The following SGK1 variants were observed in gnomAD, a reference collection of about 807,000 sequenced individuals.
SGK1 encodes the protein serine/threonine-protein kinase Sgk1.
A neutral mutation model predicts 64.2 loss-of-function variants in SGK1; 26 were observed. The ratio of observed to expected loss-of-function variants is 0.40; its 90% CI spans 0.30 to 0.56. The LOEUF (loss-of-function observed/expected upper bound fraction) is 0.56, where lower values mean the gene tolerates loss of function less well. Ranked by LOEUF, SGK1 falls within the 20% of genes least tolerant of loss-of-function variation. The probability of loss-of-function intolerance (pLI) is 0.38; values close to 1 mark genes in which losing one functional copy is unlikely to be tolerated. For synonymous variants in SGK1, 265 were observed against 239.7 expected, an observed-to-expected ratio of 1.11 and a Z score of -0.98; for missense variants, 519 against 645.6, an observed-to-expected ratio of 0.80 and a Z score of 2.12.
chr6:134,270,863 A>G (rs935348441), intron 1 of SGK1, among the ~76,000 whole-genome samples: 1 of 148,010 alleles, frequency 6.8e-6, no homozygotes, highest in Admixed American at 6.9e-5. Flanking sequence ...CTCAGTAAGT[A>G]TAAAGTCTCC....
At chr6:134,205,017 G>C (rs1223054244) in intron 3 of SGK1, among the ~76,000 whole-genome samples, 5 of 140,428 alleles carry the variant, frequency 3.6e-5, no homozygotes, top group Non-Finnish European at 7.6e-5. Flanking sequence ...CTCTCTTTCA[G>C]TGAAAGCAAG....
At chr6:134,208,896 G>GTGTATATA (rs140253811) in intron 2 of SGK1, among the ~76,000 whole-genome samples, 18 of 147,368 alleles carry the variant, frequency 1.2e-4, no homozygotes, top group East Asian at 4.0e-4. Flanking sequence ...GTATGTGTGT[G>GTGTATATA]TATATATATA....
intron 3 of SGK1, chr6:134,174,883 G>A (rs1017012332): frequency 6.3e-6 from 10 of 1,595,788 alleles, no homozygotes; most frequent in Non-Finnish European, 8.5e-6. Flanking sequence ...CCGCGCGCTC[G>A]GCCTTATAAA....
intron 1 of SGK1, 67 bp from the exon 2 acceptor site, chr6:134,262,215 G>T: frequency 8.2e-7 from 1 of 1,224,774 alleles, no homozygotes; most frequent in Non-Finnish European, 1.1e-6. Context: ...TTGGGGATTT[G>T]GTGGGAAATC....
chr6:134,229,863 A>G, intron 2 of SGK1, among the ~76,000 whole-genome samples: 1 of 151,766 alleles, frequency 6.6e-6, no homozygotes, highest in Non-Finnish European at 1.5e-5. Context: ...AAAAGAAAAC[A>G]TCTTTTTTTT....
chr6:134,228,646 A>G (rs1341185095), intron 2 of SGK1, among the ~76,000 whole-genome samples: 1 of 152,216 alleles, frequency 6.6e-6, no homozygotes, highest in East Asian at 1.9e-4. Flanking sequence ...TTGTTGAGTG[A>G]ATGAATGATA....
At chr6:134,308,938 G>C (rs1777573438) in intron 1 of SGK1, among the ~76,000 whole-genome samples, 1 of 152,154 alleles carries the variant, frequency 6.6e-6, no homozygotes. Flanking sequence ...GAGAGAGAAA[G>C]AGAGAGAGAC....
At chr6:134,261,521 T>G (rs984672280) in intron 2 of SGK1, 8 of 357,630 alleles carry the variant, frequency 2.2e-5, no homozygotes, top group Admixed American at 1.3e-4. Flanking sequence ...GGCAGAGGAT[T>G]TTTAGGGCAG....
chr6:134,175,047 G>A (rs955251936), intron 3 of SGK1, among the ~76,000 whole-genome samples: 7 of 152,110 alleles, frequency 4.6e-5, no homozygotes, highest in Non-Finnish European at 1.5e-5. Context: ...GGCGAGCCCC[G>A]GGCGGGGGCG....
chr6:134,233,148 G>T (rs1484937965), intron 2 of SGK1, among the ~76,000 whole-genome samples: 1 of 152,036 alleles, frequency 6.6e-6, no homozygotes, highest in East Asian at 1.9e-4. Flanking sequence ...TGAGTTTCAT[G>T]ATTACAAAAC....
intron 3 of SGK1, among the ~76,000 whole-genome samples, chr6:134,179,601 A>G (rs1775301209): frequency 6.7e-6 from 1 of 149,422 alleles, no homozygotes; most frequent in Admixed American, 6.8e-5. Context: ...ATGTCTATTT[A>G]TAGACACAGG....
intron 2 of SGK1, among the ~76,000 whole-genome samples, chr6:134,251,762 T>C (rs1165218439): frequency 6.6e-6 from 1 of 152,142 alleles, no homozygotes; most frequent in Non-Finnish European, 1.5e-5. Context: ...TGTTTAAAAT[T>C]TATTTATTTA....
intron 3 of SGK1, among the ~76,000 whole-genome samples, chr6:134,204,237 TAA>T (rs1775731439): frequency 6.7e-6 from 1 of 149,164 alleles, no homozygotes; most frequent in Non-Finnish European, 1.5e-5. Context: ...AATAAATAAA[TAA>T]ATAAATAAAT....
chr6:134,236,177 G>A (rs1436970322), intron 2 of SGK1, among the ~76,000 whole-genome samples: 2 of 152,080 alleles, frequency 1.3e-5, no homozygotes, highest in Non-Finnish European at 2.9e-5. Flanking sequence ...TATGAAGGAG[G>A]GGGATTCCAG....
chr6:134,222,103 T>G (rs1237591982), intron 2 of SGK1, among the ~76,000 whole-genome samples: 1 of 152,186 alleles, frequency 6.6e-6, no homozygotes, highest in East Asian at 1.9e-4. Flanking sequence ...TTCTAGTGCT[T>G]TAATCCTCCT....
In SGK1 at chr6:134,174,846, G is replaced by C. The variant is rs935720199; in HGVS notation, c.362-260C>G. On this transcript the variant is annotated intron_variant, in intron 3 of 13. Transcript: ENST00000367858. Reference sequence around the variant, plus strand: ...AGACAGAAAGACGTTAGCGCTCAAAGACCGGCTCGGCGTATGCTGCGCCAG... The same window carrying C: ...AGACAGAAAGACGTTAGCGCTCAAACACCGGCTCGGCGTATGCTGCGCCAG... 5 of 1,613,118 alleles carry C rather than the reference G, an allele frequency of 3.1e-6. No individual in the cohort carries two copies. In the Admixed American group the frequency reaches 5.0e-5, roughly 16 times the overall value.
intron 3 of SGK1, 87 bp downstream of exon 3, chr6:134,207,269 C>T (rs116971975): frequency 0.073 from 58,869 of 801,670 alleles, 2,497 homozygotes; most frequent in Middle Eastern, 0.093. Context: ...AAAAATATTT[C>T]CCCCCAAACC....
At chr6:134,227,129 CTTTA>C (rs766600010) in intron 2 of SGK1, among the ~76,000 whole-genome samples, 9 of 151,988 alleles carry the variant, frequency 5.9e-5, no homozygotes, top group African/African-American at 7.2e-5. Context: ...GCATGTATGT[CTTTA>C]TTTATTTATT....
chr6:134,214,881 AAG>A, intron 2 of SGK1: 1 of 304,940 alleles, frequency 3.3e-6, no homozygotes. Context: ...AGGAGGTAGA[AAG>A]AGATTTTTCT....
Sources: gnomAD v4.1 joint callset for allele counts (sites outside exome capture counted in the v4.1 genomes callset) on GRCh38, gnomAD v4.1.1 for gene constraint, MANE v1.5 for transcripts, NCBI Gene and HGNC (gene_info 2026-07-23, HGNC 2026-07-21) for gene names.